The following RBFOX1 variants were observed in gnomAD, a reference collection of about 807,000 sequenced individuals.
The protein encoded by RBFOX1 is RNA binding fox-1 homolog 1.
Under a neutral mutation model 57.7 loss-of-function variants are expected in RBFOX1, and 8 were observed. The ratio of observed to expected loss-of-function variants is 0.14; its 90% CI spans 0.08 to 0.25. The LOEUF is 0.25. Among genes scored for constraint, RBFOX1 ranks in the 10% least tolerant of loss-of-function variants. The pLI, the probability that RBFOX1 is intolerant of heterozygous loss-of-function variation, is 1.00. For missense variants in RBFOX1, 611 were observed against 548.5 expected, an observed-to-expected ratio of 1.11 and a Z score of -1.14; for synonymous variants, 326 against 222.4, an observed-to-expected ratio of 1.47 and a Z score of -4.15.
chr16:5,427,727 C>T (rs146748568), intron 1 of RBFOX1, among the ~76,000 whole-genome samples: 2 of 152,268 alleles, frequency 1.3e-5, no homozygotes, highest in Non-Finnish European at 2.9e-5. Flanking sequence ...CCTCTTGCTC[C>T]CGAGAGGTCA....
chr16:5,705,904 T>C (rs776798782), intron 3 of RBFOX1, among the ~76,000 whole-genome samples: 2 of 152,110 alleles, frequency 1.3e-5, no homozygotes, highest in Admixed American at 1.3e-4. Flanking sequence ...CTGATCGTGT[T>C]GCTTTTTTTT....
intron 4 of RBFOX1, among the ~76,000 whole-genome samples, chr16:7,267,764 G>C (rs912208666): frequency 2.6e-5 from 4 of 152,050 alleles, no homozygotes; most frequent in African/African-American, 9.7e-5. Flanking sequence ...GCTGAGGTGG[G>C]AGAATTTCTG....
At chr16:6,908,303 C>T (rs766019786) in intron 3 of RBFOX1, among the ~76,000 whole-genome samples, 4 of 151,722 alleles carry the variant, frequency 2.6e-5, no homozygotes, top group East Asian at 3.9e-4. Flanking sequence ...CACCCCCAGC[C>T]TCTGACCATG....
intron 3 of RBFOX1, among the ~76,000 whole-genome samples, chr16:6,724,999 G>A (rs971567450): frequency 6.6e-6 from 1 of 151,384 alleles, no homozygotes; most frequent in Non-Finnish European, 1.5e-5. Context: ...GAGTAATGGG[G>A]ACAGCCAGGA....
chr16:6,501,781 A>G (rs776212054), intron 2 of RBFOX1, among the ~76,000 whole-genome samples: 53 of 152,088 alleles, frequency 3.5e-4, no homozygotes, highest in Non-Finnish European at 5.4e-4. Flanking sequence ...CTAAACTGCT[A>G]AAATGGGTGA....
intron 4 of RBFOX1, among the ~76,000 whole-genome samples, chr16:7,418,158 A>G (rs1276684630): frequency 6.6e-6 from 1 of 152,186 alleles, no homozygotes; most frequent in South Asian, 2.1e-4. Flanking sequence ...GAGCTTGAGG[A>G]TAAGAGGACT....
At chr16:7,453,445 T>C (rs9934982) in intron 4 of RBFOX1, among the ~76,000 whole-genome samples, 61,210 of 151,946 alleles carry the variant, frequency 0.4, 12,656 homozygotes, top group Non-Finnish European at 0.46. Context: ...TCGGGAGTTA[T>C]GACTTTATCC....
intron 4 of RBFOX1, among the ~76,000 whole-genome samples, chr16:7,174,507 G>A (rs573130388): frequency 5.9e-5 from 9 of 152,286 alleles, no homozygotes; most frequent in South Asian, 2.1e-4. Flanking sequence ...CTGGCTGGGC[G>A]CAGTGGCTCA....
At chr16:7,241,223 A>T (rs1014124555) in intron 4 of RBFOX1, among the ~76,000 whole-genome samples, 1 of 152,268 alleles carries the variant, frequency 6.6e-6, no homozygotes, top group East Asian at 1.9e-4. Flanking sequence ...CATAAATCAC[A>T]CGGAGTTTTT....
At chr16:7,120,376 C>G (rs909119569) in intron 4 of RBFOX1, among the ~76,000 whole-genome samples, 5 of 151,838 alleles carry the variant, frequency 3.3e-5, no homozygotes, top group African/African-American at 1.2e-4. Context: ...AAAAAGCAAT[C>G]AAACCTAAAT....
At chr16:6,948,656 A>G (rs927112332) in intron 3 of RBFOX1, among the ~76,000 whole-genome samples, 2 of 152,032 alleles carry the variant, frequency 1.3e-5, no homozygotes, top group African/African-American at 2.4e-5. Context: ...TGCTGGGATT[A>G]CAAGCGTGAG....
At chr16:7,017,056 T>C (rs1205467914) in intron 3 of RBFOX1, among the ~76,000 whole-genome samples, 1 of 152,196 alleles carries the variant, frequency 6.6e-6, no homozygotes, top group East Asian at 1.9e-4. Context: ...TCTCTTTTTT[T>C]ATTGTTCCAT....
intron 1 of RBFOX1, among the ~76,000 whole-genome samples, chr16:6,275,727 A>C (rs1043749007): frequency 6.6e-6 from 1 of 152,228 alleles, no homozygotes; most frequent in Non-Finnish European, 1.5e-5. Flanking sequence ...ACAGTTTACT[A>C]AGGATACATA....
chr16:6,591,281 A>C (rs1227376383), intron 2 of RBFOX1, among the ~76,000 whole-genome samples: 2 of 152,102 alleles, frequency 1.3e-5, no homozygotes. Flanking sequence ...CACCACCTCT[A>C]CTAAAAATAT....
intron 1 of RBFOX1, among the ~76,000 whole-genome samples, chr16:5,399,742 A>G (rs1437382362): frequency 6.6e-6 from 1 of 151,102 alleles, no homozygotes; most frequent in African/African-American, 2.4e-5. Flanking sequence ...TTAAAAAAAA[A>G]AAAATTTTTT....
At chr16:7,256,489 C>T (rs1020948069) in intron 4 of RBFOX1, among the ~76,000 whole-genome samples, 2 of 152,046 alleles carry the variant, frequency 1.3e-5, no homozygotes, top group African/African-American at 4.8e-5. Context: ...CTTTTTAGAC[C>T]TTTTTTCCCT....
chr16:6,914,290 A>T (rs188286449), intron 3 of RBFOX1, among the ~76,000 whole-genome samples: 3 of 152,158 alleles, frequency 2.0e-5, no homozygotes, highest in African/African-American at 4.8e-5. Context: ...TATAATTATA[A>T]TTTCCGGGCT....
At chr16:5,458,806 A>G (rs1448898435) in intron 1 of RBFOX1, among the ~76,000 whole-genome samples, 1 of 152,198 alleles carries the variant, frequency 6.6e-6, no homozygotes, top group Non-Finnish European at 1.5e-5. Context: ...ACCCTTCCAC[A>G]GTATTGGTTC....
intron 1 of RBFOX1, among the ~76,000 whole-genome samples, chr16:6,312,507 T>G (rs2152765766): frequency 6.6e-6 from 1 of 152,272 alleles, no homozygotes; most frequent in Non-Finnish European, 1.5e-5. Context: ...GTTCTGAACA[T>G]AGCACTTACT....
Sources: gnomAD v4.1 joint callset for allele counts (sites outside exome capture counted in the v4.1 genomes callset) on GRCh38, gnomAD v4.1.1 for gene constraint, MANE v1.5 for transcripts, NCBI Gene and HGNC (gene_info 2026-07-23, HGNC 2026-07-21) for gene names.